The following LPA variants were observed in gnomAD, a reference collection of about 807,000 sequenced individuals.
LPA encodes apolipoprotein(a).
In LPA, 199 loss-of-function variants were observed where a neutral mutation model predicts 197.9. The ratio of observed to expected loss-of-function variants is 1.01; its 90% CI spans 0.90 to 1.13. The LOEUF (loss-of-function observed/expected upper bound fraction) is 1.13, where lower values mean the gene tolerates loss of function less well. Ranked by LOEUF, LPA falls within the 50% of genes most tolerant of loss-of-function variation. The pLI, the probability that LPA is intolerant of heterozygous loss-of-function variation, is 0.00. For missense variants in LPA, 1,853 were observed against 1,785.8 expected (o/e 1.04, Z -0.68); for synonymous variants, 715 against 639.5 (o/e 1.12, Z -1.78).
intron 1 of LPA, among the ~76,000 whole-genome samples, chr6:160,662,200 A>G (rs1265523001): frequency 6.6e-6 from 1 of 152,264 alleles, no homozygotes; most frequent in Non-Finnish European, 1.5e-5. Context: ...GTGAAGAAAC[A>G]TTAAACAAAT....
At chr6:160,600,419 G>T (rs2115054375) in intron 19 of LPA, among the ~76,000 whole-genome samples, 1 of 152,248 alleles carries the variant, frequency 6.6e-6, no homozygotes, top group East Asian at 1.9e-4. Context: ...GAGAGATAGA[G>T]CTTCGGGAGC....
At chr6:160,590,481 A>C (rs1236815121) in intron 23 of LPA, among the ~76,000 whole-genome samples, 1 of 152,158 alleles carries the variant, frequency 6.6e-6, no homozygotes, top group African/African-American at 2.4e-5. Flanking sequence ...CCAGGAGGAT[A>C]TGGAACTAAG....
chr6:160,648,428 T>C (rs1779943402), intron 2 of LPA, among the ~76,000 whole-genome samples: 1 of 152,192 alleles, frequency 6.6e-6, no homozygotes, highest in African/African-American at 2.4e-5. Context: ...CATCCTTGCT[T>C]TCAGTATATA....
chr6:160,557,796 C>T (rs911266319), intron 28 of LPA, among the ~76,000 whole-genome samples: 1 of 152,052 alleles, frequency 6.6e-6, no homozygotes, highest in Non-Finnish European at 1.5e-5. Flanking sequence ...CAAAATTGGT[C>T]TATGATCCAT....
rs1439328951 is a variant in LPA at position 160,600,955 on chromosome 6, A to G, written c.3089T>C (p.Val1030Ala). Residue 1030 changes from valine (V) to alanine (A), a missense_variant, in exon 19 of 39, where the codon GTT becomes GCT. Around this residue, in one of 3 missense-constraint regions of LPA, gnomAD observed 1,737 missense variants for 1,504.4 expected, o/e 1.15. Transcript: ENST00000316300. Reference sequence around the variant, plus strand: ...AGCCTCTAGGCTTGGAGCCAGAATAACATTCGGAGGGACGAAGGCAGTCCA... The same window carrying G: ...AGCCTCTAGGCTTGGAGCCAGAATAGCATTCGGAGGGACGAAGGCAGTCCA... ...AEWTAFVPPNVILAPSLEAFF... is the reference protein window; with the variant it reads ...AEWTAFVPPNAILAPSLEAFF... 2 of 1,613,446 alleles carry G rather than the reference A, an allele frequency of 1.2e-6. No homozygotes were observed. Among genetic ancestry groups the G allele is most frequent in the African/African-American group, 2.7e-5 (2 of 75,012 alleles).
chr6:160,575,237 G>A (rs766789135), intron 28 of LPA, among the ~76,000 whole-genome samples: 6 of 151,752 alleles, frequency 4.0e-5, no homozygotes, highest in Non-Finnish European at 7.4e-5. Flanking sequence ...ATTGCTTCAG[G>A]CATTTTTTCT....
At chr6:160,634,782 G>A (rs534526388) in intron 7 of LPA, among the ~76,000 whole-genome samples, 4 of 150,686 alleles carry the variant, frequency 2.7e-5, no homozygotes, top group Non-Finnish European at 4.4e-5. Context: ...GAAATCCCCA[G>A]AAAAGCTTAC....
chr6:160,570,879 T>A (rs1247253324), intron 28 of LPA, among the ~76,000 whole-genome samples: 1 of 152,206 alleles, frequency 6.6e-6, no homozygotes, highest in Non-Finnish European at 1.5e-5. Context: ...AATTTGAATG[T>A]GGTATTCTCT....
chr6:160,539,475 T>A (rs1319910982), intron 36 of LPA, among the ~76,000 whole-genome samples: 1 of 151,964 alleles, frequency 6.6e-6, no homozygotes, highest in African/African-American at 2.4e-5. Context: ...TGTGGAATAT[T>A]TCTGTTCATT....
intron 28 of LPA, among the ~76,000 whole-genome samples, chr6:160,559,965 G>C (rs1435378928): frequency 6.6e-6 from 1 of 152,144 alleles, no homozygotes; most frequent in East Asian, 1.9e-4. Flanking sequence ...ACAGGCCCCT[G>C]TGTGTGATGT....
chr6:160,661,239 G>T (rs1033865098), intron 1 of LPA, among the ~76,000 whole-genome samples: 3 of 152,228 alleles, frequency 2.0e-5, no homozygotes, highest in Non-Finnish European at 4.4e-5. Flanking sequence ...TAAGCAACAG[G>T]ACAACCTTGA....
intron 28 of LPA, among the ~76,000 whole-genome samples, chr6:160,573,979 T>G (rs182413359): frequency 6.6e-6 from 1 of 152,070 alleles, no homozygotes; most frequent in Non-Finnish European, 1.5e-5. Flanking sequence ...ATGCTCTTTG[T>G]CTTCTGCTAC....
At position 160,532,648 on chromosome 6, in the gene LPA, A is replaced by G. The variant is rs769212651; in HGVS notation, c.5844T>C (p.Gly1948=). 2 of 1,582,654 alleles carry G rather than the reference A, an allele frequency of 1.3e-6. No individual in the cohort carries two copies. The highest frequency in any genetic ancestry group is 1.7e-6 in the Non-Finnish European group (2 of 1,152,114). The change falls in exon 38 of 39, where the codon GGT becomes GGC. Residue 1948 remains glycine (G), a splice_region_variant and synonymous_variant. Transcript: ENST00000316300. ...CYITGWGETQ[G]TFGTGLLKEA... is the part of the protein sequence containing the mutation. ...CCTTGAGAAGGCCAGTCCCAAAGGT[A>G]CCTGTGTTTAAAAAGATGAAAGAAA...
At chr6:160,544,341 A>T (rs1778029569) in intron 33 of LPA, among the ~76,000 whole-genome samples, 1 of 152,204 alleles carries the variant, frequency 6.6e-6, no homozygotes. Context: ...ATGCTTCTGC[A>T]ATAGCACCGA....
intron 27 of LPA, 22 bp from the exon 28 acceptor site, chr6:160,577,317 T>C (rs751399113): frequency 1.9e-6 from 3 of 1,610,728 alleles, no homozygotes; most frequent in African/African-American, 1.3e-5. Context: ...ATAAAATAAA[T>C]CATACTCAGT....
intron 16 of LPA, among the ~76,000 whole-genome samples, chr6:160,610,528 G>A (rs766956887): frequency 1.3e-5 from 2 of 152,112 alleles, no homozygotes; most frequent in Admixed American, 6.5e-5. Flanking sequence ...TCTTGTAGTT[G>A]CTGTTTCTCA....
chr6:160,608,495 TC>T (rs1391234290), intron 16 of LPA, among the ~76,000 whole-genome samples: 4 of 152,166 alleles, frequency 2.6e-5, no homozygotes, highest in Admixed American at 2.0e-4. Context: ...AGCTTGTTTT[TC>T]CCCAGTTTCT....
chr6:160,562,783 G>A (rs1011335634), intron 28 of LPA, among the ~76,000 whole-genome samples: 1 of 152,046 alleles, frequency 6.6e-6, no homozygotes, highest in Admixed American at 6.6e-5. Flanking sequence ...ACTTCTTCCT[G>A]GTTTAGTCTT....
At chr6:160,653,860 A>G (rs1241191908) in intron 1 of LPA, among the ~76,000 whole-genome samples, 1 of 135,572 alleles carries the variant, frequency 7.4e-6, no homozygotes, top group African/African-American at 2.8e-5. Flanking sequence ...ATGTATACAA[A>G]TCAATAAATG....
Sources: allele counts gnomAD v4.1 joint callset (sites outside exome capture counted in the v4.1 genomes callset), GRCh38; gene constraint gnomAD v4.1.1; regional missense constraint gnomAD v4.1.1; transcripts MANE v1.5; gene names NCBI Gene and HGNC (gene_info 2026-07-23, HGNC 2026-07-21).